Variants in PLEKHG7 observed in about 807,000 individuals in gnomAD.
PLEKHG7 encodes the protein pleckstrin homology and RhoGEF domain containing G7.
In PLEKHG7, 77 loss-of-function variants were observed where a neutral mutation model predicts 85.2. That is an observed-to-expected ratio of 0.90 (90% CI 0.75 to 1.09). PLEKHG7 has a LOEUF of 1.09. Among genes scored for constraint, PLEKHG7 ranks in the 50% least tolerant of loss-of-function variants. The pLI is 0.00. For missense variants in PLEKHG7, 777 were observed against 804.3 expected (o/e 0.97, Z 0.41); for synonymous variants, 301 against 302.4 (o/e 1.00, Z 0.05).
At chr12:92,713,053 A>G (rs1465743029) in intron 3 of PLEKHG7, among the ~76,000 whole-genome samples, 1 of 152,184 alleles carries the variant, frequency 6.6e-6, no homozygotes, top group African/African-American at 2.4e-5. Context: ...GAAGGATGGG[A>G]AAAAGATTCA....
chr12:92,761,651 A>AAAG (rs1171374157), intron 13 of PLEKHG7, 101 bp from the exon 14 acceptor site: 16 of 1,140,222 alleles, frequency 1.4e-5, no homozygotes, highest in East Asian at 3.4e-5. Flanking sequence ...AGAAAGAAAG[A>AAAG]AAGAAAGAAA....
At chr12:92,707,507 G>C (rs1871271357) in intron 2 of PLEKHG7, 143 bp from the exon 3 acceptor site, 1 of 1,469,056 alleles carries the variant, frequency 6.8e-7, no homozygotes, top group Non-Finnish European at 9.0e-7. Context: ...GAAAGAGCCA[G>C]TTATTCAAAT....
At chr12:92,730,264 C>A (rs952307260) in intron 4 of PLEKHG7, among the ~76,000 whole-genome samples, 2 of 152,156 alleles carry the variant, frequency 1.3e-5, no homozygotes, top group African/African-American at 4.8e-5. Flanking sequence ...TGAGGACATG[C>A]CCCTAGAAAT....
At chr12:92,732,408 C>G (rs955155934) in intron 5 of PLEKHG7, 135 bp downstream of exon 5, 1 of 502,170 alleles carries the variant, frequency 2.0e-6, no homozygotes, top group African/African-American at 2.0e-5. Context: ...TAAATGATAT[C>G]ATCACATCCG....
chr12:92,735,461 G>GA (rs906553776), intron 5 of PLEKHG7, among the ~76,000 whole-genome samples: 10 of 152,072 alleles, frequency 6.6e-5, no homozygotes, highest in Non-Finnish European at 1.3e-4. Flanking sequence ...TCTTGCTCCT[G>GA]AAAAAAACAT....
chr12:92,749,882 T>TTA (rs1872637017), intron 10 of PLEKHG7, among the ~76,000 whole-genome samples: 1 of 143,316 alleles, frequency 7.0e-6, no homozygotes, highest in Non-Finnish European at 1.5e-5. Flanking sequence ...TTTATTTTAT[T>TTA]TTTTATTTTA....
intron 3 of PLEKHG7, among the ~76,000 whole-genome samples, chr12:92,725,792 G>T (rs1283705192): frequency 6.6e-6 from 1 of 152,030 alleles, no homozygotes; most frequent in Non-Finnish European, 1.5e-5. Context: ...TTTTGGCAAA[G>T]GCTAAAAACG....
At chr12:92,731,890 G>T (rs1237815612) in intron 4 of PLEKHG7, among the ~76,000 whole-genome samples, 1 of 152,096 alleles carries the variant, frequency 6.6e-6, no homozygotes, top group Non-Finnish European at 1.5e-5. Context: ...GAGTGCTTTG[G>T]CTCCCTGTCT....
intron 9 of PLEKHG7, among the ~76,000 whole-genome samples, chr12:92,742,418 A>G (rs1414618394): frequency 1.3e-5 from 2 of 152,188 alleles, no homozygotes; most frequent in African/African-American, 4.8e-5. Context: ...GTAAGTTGGG[A>G]TGCATAGTAG....
At chr12:92,765,424 G>C (rs911845553) in intron 15 of PLEKHG7, among the ~76,000 whole-genome samples, 7 of 151,996 alleles carry the variant, frequency 4.6e-5, no homozygotes, top group African/African-American at 1.7e-4. Context: ...GAGGTCGGGA[G>C]CTCGAGACCA....
At chr12:92,768,020 C>T (rs551985069) in intron 15 of PLEKHG7, among the ~76,000 whole-genome samples, 2 of 152,148 alleles carry the variant, frequency 1.3e-5, no homozygotes, top group East Asian at 3.9e-4. Context: ...GCCTGGCCAA[C>T]AAAGTGAAAC....
At chr12:92,751,125 A>G (rs921948924) in intron 10 of PLEKHG7, among the ~76,000 whole-genome samples, 2 of 152,216 alleles carry the variant, frequency 1.3e-5, no homozygotes, top group Admixed American at 1.3e-4. Flanking sequence ...CTTAAGTTCT[A>G]CAAGAATGTT....
intron 9 of PLEKHG7, among the ~76,000 whole-genome samples, chr12:92,743,558 G>T (rs116340693): frequency 1.0e-3 from 159 of 152,000 alleles, no homozygotes; most frequent in African/African-American, 3.6e-3. Flanking sequence ...TATTTTTGGT[G>T]GGGGAGGGGG....
chr12:92,717,349 AGTC>A (rs764144704), intron 3 of PLEKHG7, among the ~76,000 whole-genome samples: 21 of 152,212 alleles, frequency 1.4e-4, no homozygotes, highest in Non-Finnish European at 3.1e-4. Flanking sequence ...CCAAAGTCAG[AGTC>A]ATCTGGGGTT....
chr12:92,739,125 G>T (rs1169733776), intron 7 of PLEKHG7, among the ~76,000 whole-genome samples: 1 of 152,224 alleles, frequency 6.6e-6, no homozygotes. Context: ...CCTATGGCTG[G>T]CTTCTCTTGT....
chr12:92,725,585 T>C (rs899934183), intron 3 of PLEKHG7, among the ~76,000 whole-genome samples: 2 of 152,208 alleles, frequency 1.3e-5, no homozygotes, highest in Non-Finnish European at 2.9e-5. Context: ...TTGAGTATCA[T>C]GGAAGACTTC....
Position 92,706,644 on chromosome 12 carries a change from G to C in PLEKHG7, c.13G>C (p.Glu5Gln). Residue 5 changes from glutamate to glutamine, a missense_variant, in exon 2 of 17, where the codon GAG becomes CAG. Physicochemically the swap from Glu to Gln is conservative, Grantham distance 29. Coordinates refer to ENST00000344636, the MANE Select transcript of PLEKHG7 (RefSeq NM_001377329.1). MEKT[E>Q]SFCPEVPPQD... ...ACCTCTTAGCTTTATGGAGAAAACA[G>C]AGTCATTCTGTCCAGAGGTGCCACC... The C allele has an allele frequency of 6.2e-7, 1 of 1,609,366 alleles. No homozygotes were observed. Among genetic ancestry groups the C allele is most frequent in the Non-Finnish European group, 8.5e-7 (1 of 1,178,094 alleles).
At chr12:92,737,673 G>C in intron 7 of PLEKHG7, 152 bp downstream of exon 7, 2 of 555,364 alleles carry the variant, frequency 3.6e-6, no homozygotes, top group Non-Finnish European at 5.4e-6. Context: ...AGGAAGGAAA[G>C]GAAGGAAGAC....
chr12:92,750,737 C>T (rs377539916), intron 10 of PLEKHG7, among the ~76,000 whole-genome samples: 41 of 152,182 alleles, frequency 2.7e-4, no homozygotes, highest in Non-Finnish European at 5.0e-4. Flanking sequence ...CCCTGCTCCC[C>T]TCCACTCCCA....
Sources: allele counts gnomAD v4.1 joint callset (sites outside exome capture counted in the v4.1 genomes callset), GRCh38; gene constraint gnomAD v4.1.1; transcripts MANE v1.5; gene names NCBI Gene and HGNC (gene_info 2026-07-23, HGNC 2026-07-21).